Variants in SND1 observed in about 807,000 individuals in gnomAD.
The protein encoded by SND1 is staphylococcal nuclease domain-containing protein 1.
A neutral mutation model predicts 121.7 loss-of-function variants in SND1; 38 were observed. The observed-to-expected ratio is 0.31, with a 90% CI of 0.24 to 0.41. SND1 has a LOEUF of 0.41. Ranked by LOEUF, SND1 falls within the 10% of genes least tolerant of loss-of-function variation. The pLI, the probability that SND1 is intolerant of heterozygous loss-of-function variation, is 1.00. For missense variants in SND1, 868 were observed against 1,184.6 expected, an observed-to-expected ratio of 0.73 and a Z score of 3.92; for synonymous variants, 401 against 447.4, an observed-to-expected ratio of 0.90 and a Z score of 1.31.
At chr7:127,901,845 T>C (rs1800238036) in intron 13 of SND1, among the ~76,000 whole-genome samples, 1 of 152,222 alleles carries the variant, frequency 6.6e-6, no homozygotes, top group African/African-American at 2.4e-5. Context: ...CCAAAATTTA[T>C]GCCAGAACAC....
intron 16 of SND1, among the ~76,000 whole-genome samples, chr7:128,059,088 C>G (rs1308765493): frequency 1.3e-5 from 2 of 152,210 alleles, no homozygotes; most frequent in Admixed American, 1.3e-4. Flanking sequence ...TTCTTCTACC[C>G]TGCCACTTAT....
intron 15 of SND1, among the ~76,000 whole-genome samples, chr7:127,966,262 T>C (rs531798250): frequency 6.6e-6 from 1 of 151,642 alleles, no homozygotes; most frequent in African/African-American, 2.4e-5. Flanking sequence ...TGGGATACTT[T>C]AACACCCCAC....
chr7:127,742,122 C>T (rs1386510776), intron 10 of SND1, among the ~76,000 whole-genome samples: 1 of 152,010 alleles, frequency 6.6e-6, no homozygotes, highest in Non-Finnish European at 1.5e-5. Context: ...GGTAGCTGGG[C>T]CTAGGTATTC....
intron 1 of SND1, among the ~76,000 whole-genome samples, chr7:127,656,412 T>C (rs1040416432): frequency 1.3e-5 from 2 of 150,652 alleles, no homozygotes; most frequent in Non-Finnish European, 3.0e-5. Flanking sequence ...AACCTCCACC[T>C]CTTGGGTTCA....
At chr7:127,892,047 T>A (rs1186956264) in intron 13 of SND1, among the ~76,000 whole-genome samples, 1 of 152,126 alleles carries the variant, frequency 6.6e-6, no homozygotes, top group African/African-American at 2.4e-5. Flanking sequence ...TGGTTATTGC[T>A]GGTGATATCG....
At chr7:127,855,126 G>A (rs1201452568) in intron 12 of SND1, among the ~76,000 whole-genome samples, 1 of 151,656 alleles carries the variant, frequency 6.6e-6, no homozygotes, top group Non-Finnish European at 1.5e-5. Flanking sequence ...AGATTCTATG[G>A]AATTTTTTTT....
intron 16 of SND1, among the ~76,000 whole-genome samples, chr7:127,996,579 C>A (rs952539003): frequency 3.3e-5 from 5 of 152,174 alleles, no homozygotes; most frequent in Non-Finnish European, 7.4e-5. Flanking sequence ...GTTCAAGCCA[C>A]AGGAAATTCC....
intron 16 of SND1, among the ~76,000 whole-genome samples, chr7:128,010,046 C>A (rs1803082059): frequency 6.6e-6 from 1 of 152,214 alleles, no homozygotes; most frequent in Non-Finnish European, 1.5e-5. Flanking sequence ...TCCCACTGAA[C>A]ATCTGATTAA....
In SND1 at chr7:127,669,280, T is replaced by C. The variant is rs576316754; in HGVS notation, c.78+16829T>C. Among the ~76,000 whole-genome samples, 19 of 152,320 alleles carry C rather than the reference T, an allele frequency of 1.2e-4. No individual in the cohort carries two copies. In the East Asian group the frequency reaches 3.5e-3, roughly 28 times the overall value. ...TGCTGGGATTACAGGTGTGAGCCAC[T>C]GTGCCTGGCCAGCGGTCCCCTTTTT... On this transcript the variant is annotated intron_variant, in intron 1 of 23. Transcript: ENST00000354725.
At chr7:128,041,691 C>G (rs1246148840) in intron 16 of SND1, among the ~76,000 whole-genome samples, 1 of 152,208 alleles carries the variant, frequency 6.6e-6, no homozygotes, top group Non-Finnish European at 1.5e-5. Context: ...CATACTCTCT[C>G]ACATTTACAT....
intron 10 of SND1, among the ~76,000 whole-genome samples, chr7:127,775,512 C>A (rs1797602497): frequency 6.6e-6 from 1 of 152,068 alleles, no homozygotes; most frequent in Admixed American, 6.6e-5. Context: ...CATAAAAGAA[C>A]TGGCATTTCT....
chr7:128,002,905 GC>G (rs1198550088), intron 16 of SND1, among the ~76,000 whole-genome samples: 9 of 152,208 alleles, frequency 5.9e-5, no homozygotes, highest in Non-Finnish European at 1.2e-4. Flanking sequence ...CACAGTGCCA[GC>G]AGAAGCACTA....
intron 9 of SND1, among the ~76,000 whole-genome samples, chr7:127,709,679 G>A (rs560091224): frequency 6.6e-6 from 1 of 152,236 alleles, no homozygotes; most frequent in East Asian, 1.9e-4. Flanking sequence ...TTAAAAGAGA[G>A]CGAGGCTTTT....
At chr7:127,718,422 T>A (rs1796426509) in intron 9 of SND1, 1 of 228,814 alleles carries the variant, frequency 4.4e-6, no homozygotes, top group Non-Finnish European at 7.2e-6. Context: ...CTGCTTGTTC[T>A]CTGGACAGTA....
chr7:127,739,992 T>G (rs1249535760), intron 10 of SND1, among the ~76,000 whole-genome samples: 4 of 152,224 alleles, frequency 2.6e-5, no homozygotes, highest in African/African-American at 9.6e-5. Flanking sequence ...ATGCTTGTTC[T>G]CTTCTCCCCT....
intron 16 of SND1, among the ~76,000 whole-genome samples, chr7:128,057,652 C>G (rs542586472): frequency 2.0e-5 from 3 of 152,220 alleles, no homozygotes; most frequent in African/African-American, 7.2e-5. Flanking sequence ...TCCTAGAAGT[C>G]CCACCAAGAA....
chr7:127,828,102 T>C (rs1358909624), intron 11 of SND1, among the ~76,000 whole-genome samples: 1 of 152,132 alleles, frequency 6.6e-6, no homozygotes, highest in African/African-American at 2.4e-5. Context: ...GTTCAAGTGA[T>C]TCTTCTGCCT....
chr7:127,806,060 G>T (rs561993762), intron 10 of SND1, among the ~76,000 whole-genome samples: 146 of 152,242 alleles, frequency 9.6e-4, no homozygotes, highest in African/African-American at 3.4e-3. Flanking sequence ...TACTGTACTT[G>T]GCTCTGGGGA....
intron 16 of SND1, among the ~76,000 whole-genome samples, chr7:128,045,400 A>G (rs930054013): frequency 3.9e-5 from 6 of 152,158 alleles, no homozygotes; most frequent in Admixed American, 2.6e-4. Context: ...GTCAGTTCTT[A>G]TTAGACAGCT....
Sources: gnomAD v4.1 joint callset for allele counts (sites outside exome capture counted in the v4.1 genomes callset) on GRCh38, gnomAD v4.1.1 for gene constraint, MANE v1.5 for transcripts, NCBI Gene and HGNC (gene_info 2026-07-23, HGNC 2026-07-21) for gene names.